Variants in CLSTN1 observed in about 807,000 individuals in gnomAD.
The protein encoded by CLSTN1 is calsyntenin-1.
A neutral mutation model predicts 108.3 loss-of-function variants in CLSTN1; 28 were observed. The observed-to-expected ratio is 0.26, with a 90% CI of 0.19 to 0.35. The LOEUF (loss-of-function observed/expected upper bound fraction) is 0.35. Among genes scored for constraint, CLSTN1 ranks in the 10% least tolerant of loss-of-function variants. CLSTN1 has a pLI of 1.00. For missense variants in CLSTN1, 1,157 were observed against 1,302.6 expected (o/e 0.89, Z 1.72); for synonymous variants, 524 against 534.9 (o/e 0.98, Z 0.28).
chr1:9,789,600 CCT>C lies in CLSTN1; in HGVS notation c.92-16208_92-16207del, dbSNP rs1491493702. ...AAATGCCAGACATCATATAACTTCC[CCT>C]CTCAATACCGCATCATACATCTCTA... On this transcript the variant is annotated intron_variant, in intron 1 of 18. Transcript: ENST00000377298. 1.3e-5 allele frequency among the ~76,000 whole-genome samples: 2 copies of C among 151,434 alleles called. 1 individual carries two copies. The highest frequency in any genetic ancestry group is 3.9e-4 in the East Asian group (2 of 5,082).
chr1:9,752,789 G>T (rs1334958535), intron 4 of CLSTN1, among the ~76,000 whole-genome samples: 1 of 152,188 alleles, frequency 6.6e-6, no homozygotes, highest in African/African-American at 2.4e-5. Context: ...TTGAACCCTG[G>T]AGGTGGAGGT....
Position 9,763,533 on chromosome 1 carries a change from G to GT in CLSTN1, c.215-7024dup, listed in dbSNP as rs750348177. Among the ~76,000 whole-genome samples the GT allele has an allele frequency of 6.9e-4, 105 of 152,264 alleles. 1 individual carries two copies. In the Middle Eastern group the frequency reaches 0.027, roughly 39 times the overall value. On this transcript the variant is annotated intron_variant, in intron 2 of 18. Transcript: ENST00000377298. Reference sequence around the variant, plus strand: ...GACCTGGGAAGGTGGCCCATTGGGGGTTTGCAAACCTAGCTGGCTGGTATG... The same window carrying GT: ...GACCTGGGAAGGTGGCCCATTGGGGGTTTTGCAAACCTAGCTGGCTGGTATG...
chr1:9,797,028 TGGTAG>T lies in CLSTN1; in HGVS notation c.92-23639_92-23635del, dbSNP rs531793866. On this transcript the variant is annotated intron_variant, in intron 1 of 18. Transcript: ENST00000377298. ...AGAAGCATGGTTAAACACTGGTGCGTGGTAGGGGTACTTGGGGGTTGGAGTTAAAT... is the reference window on the plus strand; with the variant it reads ...AGAAGCATGGTTAAACACTGGTGCGTGGGTACTTGGGGGTTGGAGTTAAAT... Among the ~76,000 whole-genome samples, 7 of 152,258 alleles carry T rather than the reference TGGTAG, an allele frequency of 4.6e-5. No individual in the cohort carries two copies. The South Asian group carries it at 1.5e-3, about 32-fold the overall frequency.
At chr1:9,786,963 G>A (rs1320755145) in intron 1 of CLSTN1, among the ~76,000 whole-genome samples, 1 of 151,476 alleles carries the variant, frequency 6.6e-6, no homozygotes, top group Non-Finnish European at 1.5e-5. Flanking sequence ...AAGGAAGCAA[G>A]GGGACCAGAC....
intron 2 of CLSTN1, among the ~76,000 whole-genome samples, chr1:9,761,754 GCTCTCAGGGGA>G (rs1161613251): frequency 6.6e-6 from 1 of 152,124 alleles, no homozygotes; most frequent in Non-Finnish European, 1.5e-5. Context: ...ACGTCTCCCA[GCTCTCAGGGGA>G]CCCTGCCCTT....
intron 2 of CLSTN1, among the ~76,000 whole-genome samples, chr1:9,759,083 G>A (rs1557701772): frequency 6.6e-6 from 1 of 152,138 alleles, no homozygotes; most frequent in Non-Finnish European, 1.5e-5. Flanking sequence ...GAAGACAATG[G>A]ACGCAGAGTG....
rs778793437 is a variant in CLSTN1, at chr1:9,733,478, A to T, written c.2350T>A (p.Ser784Thr). The change falls in exon 16 of 19, where the codon TCC becomes ACC. Residue 784 changes from serine to threonine, a missense_variant. Ser to Thr is a moderately conservative substitution (Grantham distance 58). Coordinates refer to ENST00000377298, the MANE Select transcript of CLSTN1 (RefSeq NM_001009566.3). ...LLRYRNWHAR[S>T]LLDRKFKLIC... The stretch of plus-strand genomic sequence containing the variant: ...AGCTTAAACTTCCGGTCAAGCAAGG[A>T]CCTGGCATGCCAGTTCCGATAGCGC... 5.6e-6 allele frequency: 9 copies of T among 1,614,042 alleles called. No homozygotes were observed. Among genetic ancestry groups the T allele is most frequent in the Non-Finnish European group, 6.8e-6 (8 of 1,180,042 alleles).
intron 2 of CLSTN1, among the ~76,000 whole-genome samples, chr1:9,762,841 G>A (rs572114214): frequency 2.7e-4 from 41 of 152,148 alleles, no homozygotes; most frequent in Non-Finnish European, 4.0e-4. Context: ...CGCACTCAAC[G>A]GCTGGGTGTC....
At chr1:9,776,862 T>TTATCTATCTATCTATC (rs70998308) in intron 1 of CLSTN1, among the ~76,000 whole-genome samples, 252 of 140,118 alleles carry the variant, frequency 1.8e-3, no homozygotes, top group East Asian at 3.9e-3. Flanking sequence ...CTATCAGCAT[T>TTATCTATCTATCTATC]TATCTATCTA....
intron 4 of CLSTN1, among the ~76,000 whole-genome samples, chr1:9,753,349 C>A (rs1002752509): frequency 2.6e-5 from 4 of 152,092 alleles, no homozygotes; most frequent in African/African-American, 9.7e-5. Context: ...TACTGGCCCA[C>A]GTCCTGAGGT....
At chr1:9,791,454 G>A (rs1046461578) in intron 1 of CLSTN1, among the ~76,000 whole-genome samples, 10 of 151,558 alleles carry the variant, frequency 6.6e-5, no homozygotes, top group African/African-American at 2.4e-4. Context: ...GGCTGGTCTC[G>A]AACTTCTGGG....
rs1164829064 is a variant in CLSTN1 at position 9,730,622 on chromosome 1, G to A, written c.2832C>T (p.Asp944=). 3 of 1,610,556 alleles carry A rather than the reference G, an allele frequency of 1.9e-6. No individual in the cohort carries two copies. The Admixed American group carries it at 5.0e-5, about 27-fold the overall frequency. Residue 944 remains aspartate, a synonymous_variant, in exon 19 of 19, where the codon GAC becomes GAT. Coordinates refer to ENST00000377298, the MANE Select transcript of CLSTN1 (RefSeq NM_001009566.3). This position sits in a 1 kb window ranked among gnomAD's most constrained non-coding sequence, Gnocchi z 5.6. ...TGCTCTCCGACTCGGCGCTGGTGAT[G>A]TCATCCTCTTCTTCGCCGTCCTCGC... ...EESEDGEEED[D]ITSAESESSE... is the part of the protein sequence containing the mutation.
chr1:9,790,385 A>C (rs1653706398), intron 1 of CLSTN1, among the ~76,000 whole-genome samples: 1 of 151,430 alleles, frequency 6.6e-6, no homozygotes, highest in South Asian at 2.2e-4. Context: ...TTCGGCATTA[A>C]TTGGTATGCT....
At chr1:9,811,028 A>C (rs1190348023) in intron 1 of CLSTN1, among the ~76,000 whole-genome samples, 1 of 152,236 alleles carries the variant, frequency 6.6e-6, no homozygotes, top group African/African-American at 2.4e-5. Context: ...GCAGTTAAAA[A>C]GCCCAAACCT....
At position 9,773,349 on chromosome 1, in the gene CLSTN1, A is replaced by C; in HGVS notation, c.137T>G (p.Val46Gly). Residue 46 changes from valine to glycine, a missense_variant, in exon 2 of 19, where the codon GTC becomes GGC. Physicochemically the swap from Val to Gly is moderately radical, Grantham distance 109 (BLOSUM62 -3). Transcript: ENST00000377298. Reference sequence around the variant, plus strand: ...GAGCACGGTGTTGTCGTTCTCTGTGACTATGCCGTGGTAGGTGGGCTCCAG... The same window carrying C: ...GAGCACGGTGTTGTCGTTCTCTGTGCCTATGCCGTGGTAGGTGGGCTCCAG... ...PWLEPTYHGI[V>G]TENDNTVLLD... 6.2e-7 allele frequency: 1 copy of C among 1,614,136 alleles called. No homozygotes were observed. The highest frequency in any genetic ancestry group is 8.5e-7 in the Non-Finnish European group (1 of 1,180,008).
Position 9,755,323 on chromosome 1 carries a change from G to A in CLSTN1, c.245-14C>T. ...CACAAATCTCACCTAGGGAGTCAAA[G>A]CAGAACAGGTAAGAATTCCTACCAC... On this transcript the variant is annotated splice_polypyrimidine_tract_variant and intron_variant, in intron 3 of 18. Transcript: ENST00000377298. 1 of 1,598,930 alleles carries A rather than the reference G, an allele frequency of 6.3e-7. No homozygotes were observed. The highest frequency in any genetic ancestry group is 8.6e-7 in the Non-Finnish European group (1 of 1,168,480).
chr1:9,749,152 C>T (rs968534857), intron 7 of CLSTN1, among the ~76,000 whole-genome samples: 2 of 152,144 alleles, frequency 1.3e-5, no homozygotes, highest in African/African-American at 2.4e-5. Flanking sequence ...GATCTTCCCA[C>T]CTCGGCCTCC....
intron 4 of CLSTN1, among the ~76,000 whole-genome samples, chr1:9,752,029 C>T (rs1023954598): frequency 6.6e-6 from 1 of 151,950 alleles, no homozygotes; most frequent in Non-Finnish European, 1.5e-5. Context: ...TACCAGACGT[C>T]TGTTTGCTCT....
chr1:9,769,992 T>C (rs1652589339), intron 2 of CLSTN1, among the ~76,000 whole-genome samples: 1 of 145,384 alleles, frequency 6.9e-6, no homozygotes, highest in African/African-American at 2.6e-5. Flanking sequence ...ATCGCGCCAC[T>C]GCACCCCAGC....
Sources: allele counts gnomAD v4.1 joint callset (sites outside exome capture counted in the v4.1 genomes callset), GRCh38; gene constraint gnomAD v4.1.1; non-coding constraint Gnocchi (gnomAD v3.1); transcripts MANE v1.5; gene names NCBI Gene and HGNC (gene_info 2026-07-23, HGNC 2026-07-21).